The following ZSCAN5B variants were observed in gnomAD, a reference collection of about 807,000 sequenced individuals.
ZSCAN5B encodes the protein zinc finger and SCAN domain-containing protein 5B.
A neutral mutation model predicts 25.2 loss-of-function variants in ZSCAN5B; 26 were observed. That is an observed-to-expected ratio of 1.03 (90% CI 0.76 to 1.43). The LOEUF is 1.43. Among genes scored for constraint, ZSCAN5B ranks in the 40% most tolerant of loss-of-function variants. The pLI, the probability that ZSCAN5B is intolerant of heterozygous loss-of-function variation, is 0.00. For synonymous variants in ZSCAN5B, 244 were observed against 240.9 expected (o/e 1.01, Z -0.12); for missense variants, 745 against 622.1 (o/e 1.20, Z -2.10).
intron 1 of ZSCAN5B, among the ~76,000 whole-genome samples, chr19:56,195,626 G>A (rs943139082): frequency 7.2e-5 from 11 of 152,088 alleles, no homozygotes; most frequent in Admixed American, 6.5e-4. Context: ...ATCCCGCTCC[G>A]GGGCAGGTAC....
intron 4 of ZSCAN5B, 125 bp from the exon 5 acceptor site, chr19:56,190,700 G>A (rs2032719493): frequency 6.5e-7 from 1 of 1,542,952 alleles, no homozygotes; most frequent in East Asian, 2.2e-5. Flanking sequence ...TAAGACATTG[G>A]ACTGTAGGTC....
chr19:56,193,170 G>T, exon 2 of ZSCAN5B: 1 of 1,236,126 alleles, frequency 8.1e-7, no homozygotes, highest in Non-Finnish European at 1.1e-6. Flanking sequence ...TTCACAGTTT[G>T]TTCAGAAGTC....
intron 1 of ZSCAN5B, among the ~76,000 whole-genome samples, chr19:56,194,293 G>A (rs1222005172): frequency 1.3e-5 from 2 of 151,936 alleles, no homozygotes; most frequent in South Asian, 2.1e-4. Flanking sequence ...ACCATAGAGC[G>A]GTTTTTTCTT....
At chr19:56,195,557 G>A (rs981006472) in intron 1 of ZSCAN5B, among the ~76,000 whole-genome samples, 4 of 151,800 alleles carry the variant, frequency 2.6e-5, no homozygotes, top group African/African-American at 9.7e-5. Context: ...CAGCCGATAT[G>A]GGAGACAGTA....
intron 1 of ZSCAN5B, among the ~76,000 whole-genome samples, chr19:56,194,884 T>A (rs1231696595): frequency 6.6e-6 from 1 of 152,222 alleles, no homozygotes; most frequent in African/African-American, 2.4e-5. Context: ...ATTATAGGCG[T>A]GAGCCATCGC....
In ZSCAN5B at chr19:56,192,920, T is replaced by C. The variant is rs758081924; in HGVS notation, c.133A>G (p.Met45Val). The C allele has an allele frequency of 5.5e-5, 88 of 1,613,912 alleles. No homozygotes were observed. In the South Asian group the frequency reaches 7.0e-4, roughly 13 times the overall value. The change falls in exon 2 of 5, where the codon ATG becomes GTG. Residue 45 changes from methionine (M) to valine (V), a missense_variant. Coordinates refer to ENST00000586855, the Ensembl canonical transcript of ZSCAN5B. ...GGGCAGCTGAACATCCTGAAATTCA[T>C]GTGCCAAGTCTCAGGGTTCCTGTCG... is the stretch of plus-strand genomic sequence containing the variant.
intron 1 of ZSCAN5B, among the ~76,000 whole-genome samples, chr19:56,196,657 C>A (rs2032814276): frequency 6.6e-6 from 1 of 152,172 alleles, no homozygotes; most frequent in African/African-American, 2.4e-5. Context: ...ACTCCTGTCA[C>A]CCCAGTGCTC....
In ZSCAN5B at chr19:56,190,197, T is replaced by C. The variant is rs1392805919; in HGVS notation, c.1118A>G (p.His373Arg). Residue 373 changes from histidine to arginine, a missense_variant, in exon 5 of 5, where the codon CAC becomes CGC. Physicochemically the swap from His to Arg is conservative, Grantham distance 29. Transcript: ENST00000586855. ...TCTGTCTCCTGTGTGTGACCTCCTG[T>C]GGATGCTTAGCTGGGAAAAATACTT... 5 of 1,613,966 alleles carry C rather than the reference T, an allele frequency of 3.1e-6. No homozygotes were observed. The African/African-American group carries it at 5.3e-5, about 17-fold the overall frequency.
chr19:56,197,166 T>C (rs1599942524), intron 1 of ZSCAN5B, among the ~76,000 whole-genome samples: 1 of 151,990 alleles, frequency 6.6e-6, no homozygotes, highest in East Asian at 1.9e-4. Flanking sequence ...CATTATTACT[T>C]TATTTTTCTC....
rs1020324182 is a variant in ZSCAN5B at position 56,197,764 on chromosome 19, C to G, written c.-158G>C. 16 of 985,436 alleles carry G rather than the reference C, an allele frequency of 1.6e-5. No homozygotes were observed. The East Asian group carries it at 4.5e-4, about 28-fold the overall frequency. 61.0% of individuals were successfully genotyped at this position (985,436 alleles called of 1,614,324 possible). On this transcript the variant is annotated 5_prime_UTR_variant, in exon 1 of 5. Transcript: ENST00000586855. ...TCCCGGCTTCTGCCTCCGACCTTCT[C>G]GGTCTGGGATGCGCTCTCCAACCGG...
exon 2 of ZSCAN5B, chr19:56,192,912 G>C: frequency 6.2e-7 from 1 of 1,614,124 alleles, no homozygotes; most frequent in Non-Finnish European, 8.5e-7. Flanking sequence ...TGAACATCCT[G>C]AAATTCATGT....
At chr19:56,193,822 C>T (rs1162329074) in intron 1 of ZSCAN5B, among the ~76,000 whole-genome samples, 2 of 152,182 alleles carry the variant, frequency 1.3e-5, no homozygotes, top group Admixed American at 6.5e-5. Flanking sequence ...ATTAGCTGGG[C>T]ATGGTGGCGG....
rs567485363 is a variant in ZSCAN5B at position 56,194,626 on chromosome 19, T to A, written c.-127-1447A>T. 2.7e-3 allele frequency among the ~76,000 whole-genome samples: 410 copies of A among 152,256 alleles called. 3 individuals are homozygous for A. The highest frequency in any genetic ancestry group is 3.4e-3 in the Middle Eastern group (1 of 294). On this transcript the variant is annotated intron_variant, in intron 1 of 4. Transcript: ENST00000586855. ...TTTTAAAAAATTTTATTTTTTTATT[T>A]ATGTTTTTTGAGGTGGAGTTTCGCA... is the stretch of plus-strand genomic sequence containing the variant.
At chr19:56,197,265 T>G (rs2032822348) in intron 1 of ZSCAN5B, among the ~76,000 whole-genome samples, 1 of 151,906 alleles carries the variant, frequency 6.6e-6, no homozygotes, top group Non-Finnish European at 1.5e-5. Context: ...CTCTGCCTCC[T>G]GGGTTCAAAT....
chr19:56,194,346 A>C (rs967067980), intron 1 of ZSCAN5B, among the ~76,000 whole-genome samples: 1 of 151,796 alleles, frequency 6.6e-6, no homozygotes, highest in African/African-American at 2.4e-5. Flanking sequence ...TCCAGGCTGG[A>C]GGGAAATTTG....
Position 56,191,052 on chromosome 19 carries a change from G to T in ZSCAN5B, c.589-65C>A. On this transcript the variant is annotated intron_variant, in intron 3 of 4. Transcript: ENST00000586855. ...TACTGGTGGAAGTAGGGACATGTCT[G>T]TCCCCTCCTGACTGGACACACCAGA... is the stretch of plus-strand genomic sequence containing the variant. The T allele has an allele frequency of 2.5e-6, 4 of 1,608,080 alleles. No homozygotes were observed. In the South Asian group the frequency reaches 4.4e-5, roughly 18 times the overall value.
exon 5 of ZSCAN5B, chr19:56,190,538 T>A: frequency 6.2e-6 from 10 of 1,613,450 alleles, no homozygotes; most frequent in Non-Finnish European, 8.5e-6. Flanking sequence ...CAGAGGCTCT[T>A]TTCTGGGGTT....
chr19:56,189,869 G>A, exon 5 of ZSCAN5B: 1 of 1,613,678 alleles, frequency 6.2e-7, no homozygotes, highest in Non-Finnish European at 8.5e-7. Flanking sequence ...GGTGACGCTT[G>A]AATGTCCCCA....
exon 4 of ZSCAN5B, chr19:56,190,932 G>T (rs370187858): frequency 1.2e-6 from 2 of 1,613,988 alleles, no homozygotes; most frequent in African/African-American, 1.3e-5. Context: ...CTTGGGTCTC[G>T]GAGAGTTTGG....
Sources: gnomAD v4.1 joint callset for allele counts (sites outside exome capture counted in the v4.1 genomes callset) on GRCh38, gnomAD v4.1.1 for gene constraint, MANE v1.5 for transcripts, NCBI Gene and HGNC (gene_info 2026-07-23, HGNC 2026-07-21) for gene names.